Variants in PARVB observed in about 807,000 individuals in gnomAD.
PARVB encodes the protein parvin beta, also known as beta-parvin.
Under a neutral mutation model 47.0 loss-of-function variants are expected in PARVB, and 46 were observed. That is an observed-to-expected ratio of 0.98 (90% confidence interval 0.77 to 1.25). PARVB has a LOEUF of 1.25. Ranked by LOEUF, PARVB falls within the 50% of genes most tolerant of loss-of-function variation. The probability of loss-of-function intolerance (pLI) is 0.00; values close to 1 mark genes in which losing one functional copy is unlikely to be tolerated. For missense variants in PARVB, 473 were observed against 471.6 expected, an observed-to-expected ratio of 1.00 and a Z score of -0.03; for synonymous variants, 196 against 196.3, an observed-to-expected ratio of 1.00 and a Z score of 0.01.
intron 1 of PARVB, among the ~76,000 whole-genome samples, chr22:44,035,442 C>T (rs897542902): frequency 6.8e-6 from 1 of 147,230 alleles, no homozygotes. Context: ...GCGATCTCGG[C>T]TCACTGCAGC....
chr22:44,020,054 C>T (rs2036747545), upstream of PARVB, among the ~76,000 whole-genome samples: 1 of 152,210 alleles, frequency 6.6e-6, no homozygotes, highest in African/African-American at 2.4e-5. Flanking sequence ...AGCAAGTCGG[C>T]ACTCAGTTCT....
In PARVB at chr22:44,168,725, G is replaced by A; in HGVS notation, c.*47G>A. ...CAGGAGTGTCCCAGCAAGAAAGGCG[G>A]CATCCGTCTGTGCCCTGTGCCTTTC... On this transcript the variant is annotated 3_prime_UTR_variant, in exon 13 of 13. Transcript: ENST00000338758. 7.6e-7 allele frequency: 1 copy of A among 1,316,636 alleles called. No homozygotes were observed. Among genetic ancestry groups the A allele is most frequent in the Non-Finnish European group, 1.1e-6 (1 of 909,112 alleles). The allele number at this position is 1,316,636 out of a possible 1,614,324, so 81.6% of individuals were successfully genotyped here. A position where few individuals can be genotyped will look rare whatever the true frequency, so the allele number is the denominator to read the frequency against.
exon 2 of PARVB, chr22:43,999,589 G>A: frequency 1.2e-6 from 2 of 1,613,714 alleles, no homozygotes; most frequent in Non-Finnish European, 1.7e-6. Context: ...GTGCTCCCAG[G>A]CACTCATGGC....
At chr22:44,018,325 C>T (rs2050606791) in intron 2 of PARVB, among the ~76,000 whole-genome samples, 1 of 152,136 alleles carries the variant, frequency 6.6e-6, no homozygotes, top group African/African-American at 2.4e-5. Context: ...TCACCTGAAC[C>T]CAGGAGGCGG....
chr22:44,021,070 AC>A (rs1371523905), upstream of PARVB, among the ~76,000 whole-genome samples: 2 of 152,198 alleles, frequency 1.3e-5, no homozygotes, highest in African/African-American at 4.8e-5. Context: ...GACGTGAGCC[AC>A]CACGCCTGGC....
At chr22:43,999,359 G>T (rs2050387504) in exon 1 of PARVB, 1 of 1,609,818 alleles carries the variant, frequency 6.2e-7, no homozygotes, top group Non-Finnish European at 8.5e-7. Context: ...TGTGTTTAAA[G>T]ATCACCAAAG....
At chr22:44,105,412 T>C (rs1415537610) in intron 3 of PARVB, 1 of 152,260 alleles carries the variant, frequency 6.6e-6, no homozygotes, top group African/African-American at 2.4e-5. Flanking sequence ...CAAAGGCCCA[T>C]GCCTGGAGCT....
At chr22:44,137,319 C>A (rs951962391) in intron 7 of PARVB, among the ~76,000 whole-genome samples, 1 of 152,148 alleles carries the variant, frequency 6.6e-6, no homozygotes, top group East Asian at 1.9e-4. Flanking sequence ...CATGAAGAGG[C>A]CTCCCAGTCT....
At chr22:44,000,972 G>A (rs1363143901) in intron 2 of PARVB, among the ~76,000 whole-genome samples, 3 of 152,252 alleles carry the variant, frequency 2.0e-5, no homozygotes, top group African/African-American at 7.2e-5. Context: ...CATTTGGCCA[G>A]GTGCGGTGGC....
chr22:44,122,514 GAGAGAC>G (rs1482427517), intron 4 of PARVB, among the ~76,000 whole-genome samples: 2,569 of 90,386 alleles, frequency 0.028, 208 homozygotes, highest in African/African-American at 0.15. Flanking sequence ...GAGAGAGAGA[GAGAGAC>G]AGAGAGACAG....
upstream of PARVB, chr22:44,024,250 C>A: frequency 3.3e-6 from 2 of 613,540 alleles, no homozygotes; most frequent in Non-Finnish European, 4.1e-6. Context: ...GGGGCGGGGG[C>A]CGGCGGCGGG....
At chr22:44,137,345 A>G (rs1450697896) in intron 7 of PARVB, among the ~76,000 whole-genome samples, 1 of 152,194 alleles carries the variant, frequency 6.6e-6, no homozygotes, top group African/African-American at 2.4e-5. Context: ...AGGCCCACGA[A>G]GGGAACAGGG....
At chr22:44,021,591 G>A (rs909795191), upstream of PARVB, among the ~76,000 whole-genome samples, 4 of 152,138 alleles carry the variant, frequency 2.6e-5, no homozygotes, top group African/African-American at 9.7e-5. Context: ...TATTGCTATA[G>A]TCACTGAGGA....
intron 3 of PARVB, chr22:44,114,990 CCAACA>C (rs2052838072): frequency 9.1e-6 from 1 of 110,466 alleles, no homozygotes; most frequent in African/African-American, 4.3e-5. Context: ...AGGCCCTGCA[CCAACA>C]CAGATACATT....
chr22:44,068,236 C>A lies in PARVB; in HGVS notation c.113-25692C>A, dbSNP rs2051577592. Among the ~76,000 whole-genome samples, 1 of 152,186 alleles carries A rather than the reference C, an allele frequency of 6.6e-6. No individual in the cohort carries two copies. Among genetic ancestry groups the A allele is most frequent in the South Asian group, 2.1e-4 (1 of 4,830 alleles). On this transcript the variant is annotated intron_variant, in intron 1 of 12. Transcript: ENST00000338758. The surrounding 1 kb of genome is among the most constrained non-coding windows in gnomAD (Gnocchi z 4.1). ...AATCGTGCTTCCTGGATGCCAGGAA[C>A]CACTGAAATTTGTGGATTCCCACAG... is the stretch of plus-strand genomic sequence containing the variant.
At chr22:44,057,060 C>T (rs1344839682) in intron 1 of PARVB, among the ~76,000 whole-genome samples, 1 of 149,504 alleles carries the variant, frequency 6.7e-6, no homozygotes, top group East Asian at 2.0e-4. Flanking sequence ...CCAAGGCTTT[C>T]TTGCTGATAA....
intron 1 of PARVB, among the ~76,000 whole-genome samples, chr22:44,066,177 A>G (rs1024324230): frequency 7.2e-5 from 11 of 152,188 alleles, no homozygotes; most frequent in African/African-American, 2.7e-4. Context: ...AAAAGTCACC[A>G]TCCAAGTTAC....
intron 1 of PARVB, among the ~76,000 whole-genome samples, chr22:44,092,777 G>T (rs187417613): frequency 6.6e-6 from 1 of 152,238 alleles, no homozygotes; most frequent in Admixed American, 6.5e-5. Context: ...GCATGAGTGG[G>T]GCCCTGTTGG....
At chr22:44,129,445 G>A (rs1201810658) in intron 4 of PARVB, among the ~76,000 whole-genome samples, 2 of 152,210 alleles carry the variant, frequency 1.3e-5, no homozygotes, top group Non-Finnish European at 2.9e-5. Flanking sequence ...GGGTGACGTG[G>A]CCATGTTCAG....
Sources: allele counts gnomAD v4.1 joint callset (sites outside exome capture counted in the v4.1 genomes callset), GRCh38; gene constraint gnomAD v4.1.1; non-coding constraint Gnocchi (gnomAD v3.1); transcripts MANE v1.5; gene names NCBI Gene and HGNC (gene_info 2026-07-23, HGNC 2026-07-21).